Variants in MACROD1 observed in about 807,000 individuals in gnomAD.
MACROD1 encodes mono-ADP ribosylhydrolase 1.
In MACROD1, 31 loss-of-function variants were observed where a neutral mutation model predicts 41.4. The ratio of observed to expected loss-of-function variants is 0.75; its 90% CI spans 0.56 to 1.01. The LOEUF is 1.01. Ranked by LOEUF, MACROD1 falls within the 50% of genes least tolerant of loss-of-function variation. The probability of loss-of-function intolerance (pLI) is 0.00; values close to 1 mark genes in which losing one functional copy is unlikely to be tolerated. For missense variants in MACROD1, 473 were observed against 460.0 expected (o/e 1.03, Z -0.26); for synonymous variants, 252 against 203.4 (o/e 1.24, Z -2.03).
At chr11:64,066,020 G>A (rs562950972) in intron 3 of MACROD1, among the ~76,000 whole-genome samples, 15 of 152,244 alleles carry the variant, frequency 9.9e-5, no homozygotes, top group South Asian at 2.1e-4. Flanking sequence ...TTTAGGCCGG[G>A]TGTGGTGGCT....
chr11:64,127,780 G>A (rs921149705), intron 3 of MACROD1, among the ~76,000 whole-genome samples: 6 of 152,124 alleles, frequency 3.9e-5, no homozygotes, highest in African/African-American at 9.7e-5. Flanking sequence ...GGGACTGTCC[G>A]GGTGTTTGGG....
rs190344657 is a variant in MACROD1, at chr11:64,020,125, T to C, written c.518-4844A>G. ...AAGACAATGTTATCAGATATAATATTAATACATTTGTCTTGATGCTAACCA... is the reference window on the plus strand; with the variant it reads ...AAGACAATGTTATCAGATATAATATCAATACATTTGTCTTGATGCTAACCA... On this transcript the variant is annotated intron_variant, in intron 3 of 10. Coordinates refer to ENST00000255681, the MANE Select transcript of MACROD1 (RefSeq NM_014067.4). Among the ~76,000 whole-genome samples, 366 of 152,298 alleles carry C rather than the reference T, an allele frequency of 2.4e-3. 1 individual carries two copies. The highest frequency in any genetic ancestry group is 0.01 in the Middle Eastern group (3 of 294).
chr11:64,104,166 G>A (rs530436102), intron 3 of MACROD1: 5 of 152,478 alleles, frequency 3.3e-5, no homozygotes, highest in South Asian at 2.1e-4. Flanking sequence ...GGTCTTGGGC[G>A]GCAGCGACGA....
intron 1 of MACROD1, among the ~76,000 whole-genome samples, chr11:64,159,929 T>C (rs1311082352): frequency 1.3e-5 from 2 of 152,182 alleles, no homozygotes; most frequent in African/African-American, 4.8e-5. Context: ...TGAAGGTATG[T>C]ACATACCTAG....
intron 4 of MACROD1, among the ~76,000 whole-genome samples, chr11:64,002,135 G>A (rs1236856301): frequency 1.3e-5 from 2 of 152,298 alleles, no homozygotes; most frequent in South Asian, 2.1e-4. Flanking sequence ...TGGGAGGTGG[G>A]TGCACACAGG....
At chr11:64,062,826 CA>C (rs1156995437) in intron 3 of MACROD1, among the ~76,000 whole-genome samples, 1 of 152,184 alleles carries the variant, frequency 6.6e-6, no homozygotes, top group Non-Finnish European at 1.5e-5. Flanking sequence ...GCTCACACAG[CA>C]GGGGCAGAAC....
chr11:64,000,067 C>T lies in MACROD1; in HGVS notation c.664+160G>A, dbSNP rs1590786427. On this transcript the variant is annotated intron_variant, in intron 5 of 10. Coordinates refer to ENST00000255681, the MANE Select transcript of MACROD1 (RefSeq NM_014067.4). Reference sequence around the variant, plus strand: ...ACGCACGGTCTCCCCCATGTGCTTCCTGGGGTGTGCGGGGTGGGGGCCGGG... The same window carrying T: ...ACGCACGGTCTCCCCCATGTGCTTCTTGGGGTGTGCGGGGTGGGGGCCGGG... 2.2e-5 allele frequency: 14 copies of T among 650,720 alleles called. No individual in the cohort carries two copies. In the East Asian group the frequency reaches 3.9e-4, roughly 18 times the overall value. The allele number at this position is 650,720 out of a possible 1,614,324, so 40.3% of individuals were successfully genotyped here. A position where few individuals can be genotyped will look rare whatever the true frequency, so the allele number is the denominator to read the frequency against.
At chr11:64,084,206 C>A (rs963048261) in intron 3 of MACROD1, among the ~76,000 whole-genome samples, 2 of 152,182 alleles carry the variant, frequency 1.3e-5, no homozygotes, top group African/African-American at 4.8e-5. Flanking sequence ...CTCTCAGCCC[C>A]CTCCCAGGCC....
intron 3 of MACROD1, among the ~76,000 whole-genome samples, chr11:64,026,444 G>C (rs930656082): frequency 6.6e-6 from 1 of 152,170 alleles, no homozygotes; most frequent in Non-Finnish European, 1.5e-5. Context: ...AGTGGCAGTA[G>C]CATCTTTACA....
At chr11:64,124,922 C>T (rs555923517) in intron 3 of MACROD1, among the ~76,000 whole-genome samples, 5 of 152,194 alleles carry the variant, frequency 3.3e-5, no homozygotes, top group Non-Finnish European at 5.9e-5. Context: ...TCAGGTGATC[C>T]GCCCACCTTG....
chr11:64,074,836 C>G (rs1462751732), intron 3 of MACROD1, among the ~76,000 whole-genome samples: 1 of 152,232 alleles, frequency 6.6e-6, no homozygotes, highest in African/African-American at 2.4e-5. Flanking sequence ...AAGCCTGTGG[C>G]CTGCCTGGTG....
chr11:64,092,940 A>G (rs1318148489), intron 3 of MACROD1, among the ~76,000 whole-genome samples: 1 of 152,232 alleles, frequency 6.6e-6, no homozygotes, highest in Non-Finnish European at 1.5e-5. Flanking sequence ...TAATATGCTA[A>G]TGTGCCCTGT....
At chr11:64,147,361 C>T (rs1157890499) in intron 3 of MACROD1, among the ~76,000 whole-genome samples, 1 of 150,878 alleles carries the variant, frequency 6.6e-6, no homozygotes, top group Non-Finnish European at 1.5e-5. Flanking sequence ...AGTGAGCCAC[C>T]GCCTGCAGCC....
At chr11:64,055,309 C>A (rs531485373) in intron 3 of MACROD1, among the ~76,000 whole-genome samples, 1 of 152,242 alleles carries the variant, frequency 6.6e-6, no homozygotes, top group Admixed American at 6.5e-5. Flanking sequence ...CAAATGCCAT[C>A]ATCACACTCA....
chr11:64,071,873 C>T (rs545856592), intron 3 of MACROD1, among the ~76,000 whole-genome samples: 1 of 152,184 alleles, frequency 6.6e-6, no homozygotes, highest in Admixed American at 6.5e-5. Flanking sequence ...GCAGTAGTGG[C>T]GAGAGCCCTG....
intron 3 of MACROD1, among the ~76,000 whole-genome samples, chr11:64,135,878 G>T (rs1945324688): frequency 6.6e-6 from 1 of 152,164 alleles, no homozygotes; most frequent in African/African-American, 2.4e-5. Context: ...GGCACCCCGC[G>T]CCTGCCCTCT....
chr11:64,125,628 G>A (rs987934463), intron 3 of MACROD1, among the ~76,000 whole-genome samples: 6 of 152,208 alleles, frequency 3.9e-5, no homozygotes, highest in East Asian at 1.9e-4. Context: ...GAAGCACCTC[G>A]CTCCACCCTG....
chr11:64,160,155 C>G (rs1382141222), intron 1 of MACROD1, among the ~76,000 whole-genome samples: 1 of 152,160 alleles, frequency 6.6e-6, no homozygotes, highest in Non-Finnish European at 1.5e-5. Context: ...GCTGACCCTT[C>G]TCAAACAGGG....
At chr11:64,024,207 C>T (rs1030581262) in intron 3 of MACROD1, among the ~76,000 whole-genome samples, 3 of 152,354 alleles carry the variant, frequency 2.0e-5, no homozygotes, top group South Asian at 2.1e-4. Flanking sequence ...AGACTCGGCT[C>T]GCCCCATTCC....
Sources: allele counts gnomAD v4.1 joint callset (sites outside exome capture counted in the v4.1 genomes callset), GRCh38; gene constraint gnomAD v4.1.1; transcripts MANE v1.5; gene names NCBI Gene and HGNC (gene_info 2026-07-23, HGNC 2026-07-21).